PRKCB: variants seen among roughly 807,000 people sequenced by gnomAD.
PRKCB encodes protein kinase C beta type.
PRKCB carries 13 observed loss-of-function variants against 81.5 expected under a neutral mutation model. The ratio of observed to expected loss-of-function variants is 0.16; its 90% CI spans 0.10 to 0.25. PRKCB has a LOEUF of 0.25. Among genes scored for constraint, PRKCB ranks in the 10% least tolerant of loss-of-function variants. The probability of loss-of-function intolerance (pLI) is 1.00; values close to 1 mark genes in which losing one functional copy is unlikely to be tolerated. For missense variants in PRKCB, 509 were observed against 875.7 expected (o/e 0.58, Z 5.29); for synonymous variants, 335 against 321.4 (o/e 1.04, Z -0.45).
intron 2 of PRKCB, among the ~76,000 whole-genome samples, chr16:23,966,604 G>T (rs72779912): frequency 0.028 from 4,256 of 152,292 alleles, 102 homozygotes; most frequent in Non-Finnish European, 0.043. Context: ...AGCAAGGATT[G>T]TGTCTCGCCT....
chr16:23,876,202 T>A (rs1963011816), intron 2 of PRKCB, among the ~76,000 whole-genome samples: 1 of 152,190 alleles, frequency 6.6e-6, no homozygotes, highest in Non-Finnish European at 1.5e-5. Context: ...AACCACTCAC[T>A]CACAGATCCC....
chr16:24,095,137 C>G (rs1353537386), intron 7 of PRKCB, among the ~76,000 whole-genome samples: 1 of 152,200 alleles, frequency 6.6e-6, no homozygotes, highest in East Asian at 1.9e-4. Flanking sequence ...GAGACTGTAA[C>G]TGCCCAGTGG....
chr16:24,024,352 T>A (rs545055263), intron 3 of PRKCB, among the ~76,000 whole-genome samples: 1 of 152,200 alleles, frequency 6.6e-6, no homozygotes, highest in South Asian at 2.1e-4. Flanking sequence ...GGAGAGTTGC[T>A]GAGCAAAGAG....
intron 2 of PRKCB, among the ~76,000 whole-genome samples, chr16:23,975,226 T>C (rs969396508): frequency 6.6e-6 from 1 of 152,162 alleles, no homozygotes; most frequent in African/African-American, 2.4e-5. Flanking sequence ...GGGATTAAGC[T>C]TTTTCCATTT....
intron 2 of PRKCB, among the ~76,000 whole-genome samples, chr16:23,861,634 G>A (rs1962666371): frequency 6.6e-6 from 1 of 152,222 alleles, no homozygotes; most frequent in African/African-American, 2.4e-5. Flanking sequence ...CAGGAAGGCT[G>A]TGATAGCTCC....
intron 2 of PRKCB, among the ~76,000 whole-genome samples, chr16:23,927,427 G>T (rs1438940102): frequency 6.6e-6 from 1 of 152,030 alleles, no homozygotes; most frequent in Non-Finnish European, 1.5e-5. Context: ...GTCATAAAGG[G>T]CTCATCTGTC....
At chr16:23,882,055 T>A (rs1963131092) in intron 2 of PRKCB, among the ~76,000 whole-genome samples, 1 of 105,262 alleles carries the variant, frequency 9.5e-6, no homozygotes, top group Non-Finnish European at 1.9e-5. Flanking sequence ...CCTTCCTTCC[T>A]TCTTCCTTTC....
At chr16:24,189,308 G>C (rs980863796) in intron 15 of PRKCB, among the ~76,000 whole-genome samples, 35 of 152,058 alleles carry the variant, frequency 2.3e-4, no homozygotes, top group African/African-American at 8.2e-4. Context: ...CACCTCATTG[G>C]GTTATTATGA....
chr16:24,130,057 A>C (rs7191062), intron 9 of PRKCB, among the ~76,000 whole-genome samples: 2,731 of 152,342 alleles, frequency 0.018, 86 homozygotes, highest in African/African-American at 0.062. Context: ...CAAGTTGCAG[A>C]CATCCATACA....
intron 2 of PRKCB, among the ~76,000 whole-genome samples, chr16:23,889,344 AT>A (rs1325210834): frequency 1.3e-5 from 2 of 152,254 alleles, no homozygotes; most frequent in Middle Eastern, 3.2e-3. Context: ...GTTGAAATTA[AT>A]AACAGAGCCT....
At chr16:24,156,076 T>A (rs1967151521) in intron 10 of PRKCB, among the ~76,000 whole-genome samples, 1 of 152,200 alleles carries the variant, frequency 6.6e-6, no homozygotes, top group Admixed American at 6.5e-5. Flanking sequence ...TGTAAAATGG[T>A]GATATCCTAA....
chr16:23,836,112 C>T lies in PRKCB; in HGVS notation c.-64C>T, dbSNP rs1418156922. 4.5e-6 allele frequency: 5 copies of T among 1,116,084 alleles called. No homozygotes were observed. Among genetic ancestry groups the T allele is most frequent in the East Asian group, 5.3e-5 (1 of 18,976 alleles). The allele number at this position is 1,116,084 out of a possible 1,614,324, so 69.1% of individuals were successfully genotyped here. A position where few individuals can be genotyped will look rare whatever the true frequency, so the allele number is the denominator to read the frequency against. ...CGCCGCCTCCCGCGCCTCCCCGGCC[C>T]GCAGCCCGCGGTCCCGCGGCCCCGG... is the stretch of plus-strand genomic sequence containing the variant. On this transcript the variant is annotated 5_prime_UTR_variant, in exon 1 of 17. Transcript: ENST00000643927.
chr16:24,182,952 A>AT (rs1487580670), intron 13 of PRKCB, among the ~76,000 whole-genome samples: 1 of 144,396 alleles, frequency 6.9e-6, no homozygotes, highest in Non-Finnish European at 1.5e-5. Context: ...TGCCTCCTGG[A>AT]TTCATGCCAT....
chr16:24,216,339 CA>C lies in PRKCB; in HGVS notation c.*1525del. The C allele has an allele frequency of 1.0e-6, 1 of 985,420 alleles. No individual in the cohort carries two copies. The highest frequency in any genetic ancestry group is 1.7e-5 in the African/African-American group (1 of 57,362). 61.0% of individuals were successfully genotyped at this position (985,420 alleles called of 1,614,324 possible). A position where few individuals can be genotyped will look rare whatever the true frequency, so the allele number is the denominator to read the frequency against. On this transcript the variant is annotated 3_prime_UTR_variant, in exon 17 of 17. Coordinates refer to ENST00000643927, the MANE Select transcript of PRKCB (RefSeq NM_002738.7). Reference sequence around the variant, plus strand: ...AGCTTGGACTAAATATTCTTTCTAGCAAGCAGCTTTGTGAGCTCCCTGAAGC... The same window carrying C: ...AGCTTGGACTAAATATTCTTTCTAGCAGCAGCTTTGTGAGCTCCCTGAAGC...
chr16:24,009,832 T>C (rs1034413776), intron 3 of PRKCB, among the ~76,000 whole-genome samples: 4 of 152,026 alleles, frequency 2.6e-5, no homozygotes, highest in South Asian at 4.1e-4. Context: ...CTGACCAACA[T>C]GGCAGAACCC....
chr16:24,044,226 G>A (rs1190790862), intron 5 of PRKCB, among the ~76,000 whole-genome samples: 1 of 152,116 alleles, frequency 6.6e-6, no homozygotes, highest in Non-Finnish European at 1.5e-5. Flanking sequence ...GGGTATGGTG[G>A]TGCATGCCTG....
chr16:24,121,077 C>G (rs1219689449), intron 8 of PRKCB, among the ~76,000 whole-genome samples: 1 of 152,196 alleles, frequency 6.6e-6, no homozygotes, highest in Admixed American at 6.5e-5. Flanking sequence ...TCTTAAGGTC[C>G]TTTCAACACT....
chr16:24,084,775 T>C (rs1461417988), intron 5 of PRKCB, among the ~76,000 whole-genome samples: 1 of 152,144 alleles, frequency 6.6e-6, no homozygotes, highest in East Asian at 1.9e-4. Context: ...AGGAATCAGA[T>C]GGGAGCCTCA....
At chr16:24,108,342 TAA>T (rs201125703) in intron 7 of PRKCB, among the ~76,000 whole-genome samples, 137 of 143,850 alleles carry the variant, frequency 9.5e-4, no homozygotes, top group African/African-American at 3.7e-3. Context: ...TATTTTTTTT[TAA>T]ATTTATTTAT....
Sources: allele counts gnomAD v4.1 joint callset (sites outside exome capture counted in the v4.1 genomes callset), GRCh38; gene constraint gnomAD v4.1.1; transcripts MANE v1.5; gene names NCBI Gene and HGNC (gene_info 2026-07-23, HGNC 2026-07-21).